KIF16B: variants seen among roughly 807,000 people sequenced by gnomAD.
KIF16B encodes the protein kinesin-like protein KIF16B.
KIF16B carries 98 observed loss-of-function variants against 156.3 expected under a neutral mutation model. The observed-to-expected ratio is 0.63, with a 90% CI of 0.53 to 0.74. KIF16B has a LOEUF of 0.74. KIF16B is among the 30% of genes least tolerant of loss of function. The probability of loss-of-function intolerance (pLI) is 0.00; values close to 1 mark genes in which losing one functional copy is unlikely to be tolerated. For missense variants in KIF16B, 1,421 were observed against 1,606.5 expected (o/e 0.88, Z 1.97); for synonymous variants, 564 against 583.7 (o/e 0.97, Z 0.49).
intron 21 of KIF16B, 76 bp downstream of exon 21, chr20:16,371,589 C>CA (rs111754823): frequency 0.3 from 188,096 of 617,102 alleles, 13,212 homozygotes; most frequent in African/African-American, 0.59. Context: ...GACTCAGTCT[C>CA]AAAAAAAAAA....
At chr20:16,462,966 G>C (rs2067388219) in intron 12 of KIF16B, among the ~76,000 whole-genome samples, 1 of 152,202 alleles carries the variant, frequency 6.6e-6, no homozygotes, top group Non-Finnish European at 1.5e-5. Context: ...CAAAAGATTA[G>C]GCTGGAGTGG....
At chr20:16,537,596 C>T (rs1051725946) in intron 1 of KIF16B, among the ~76,000 whole-genome samples, 12 of 152,028 alleles carry the variant, frequency 7.9e-5, no homozygotes, top group African/African-American at 2.9e-4. Flanking sequence ...CCTCTTCCCA[C>T]GTGGGTCTCC....
chr20:16,279,890 C>A (rs147371159), intron 25 of KIF16B, among the ~76,000 whole-genome samples: 163 of 152,300 alleles, frequency 1.1e-3, no homozygotes, highest in Non-Finnish European at 2.1e-3. Flanking sequence ...AAAATGAACT[C>A]CCTACAGCAA....
intron 25 of KIF16B, among the ~76,000 whole-genome samples, chr20:16,306,909 T>C (rs1346390003): frequency 2.6e-5 from 4 of 152,192 alleles, no homozygotes; most frequent in Admixed American, 1.3e-4. Context: ...ATTATCCTCA[T>C]TGTTCAGAGA....
rs942351544 is a variant in KIF16B at position 16,494,218 on chromosome 20, T to G, written c.1302+73A>C. 1.9e-5 allele frequency: 16 copies of G among 840,572 alleles called. No homozygotes were observed. In the Admixed American group the frequency reaches 2.6e-4, roughly 13 times the overall value. The allele number at this position is 840,572 out of a possible 1,614,324, so 52.1% of individuals were successfully genotyped here. A position where few individuals can be genotyped will look rare whatever the true frequency, so the allele number is the denominator to read the frequency against. On this transcript the variant is annotated intron_variant, in intron 12 of 25. Coordinates refer to ENST00000354981, the MANE Select transcript of KIF16B (RefSeq NM_024704.5). ...AGTATACAACTGCCATGTTTGGAGA[T>G]TAAAAAAAAAAAAAAAAGTTTTACC...
chr20:16,480,655 G>C (rs78652709), intron 12 of KIF16B, among the ~76,000 whole-genome samples: 2,306 of 152,332 alleles, frequency 0.015, 60 homozygotes, highest in African/African-American at 0.053. Context: ...CAACCGCAGA[G>C]AGGAGGAAAG....
At chr20:16,409,298 T>C (rs1401109780) in intron 15 of KIF16B, among the ~76,000 whole-genome samples, 1 of 151,410 alleles carries the variant, frequency 6.6e-6, no homozygotes, top group Non-Finnish European at 1.5e-5. Context: ...CCACCAAGAA[T>C]GAGTGACTGG....
At chr20:16,344,608 CA>C (rs978475413) in intron 23 of KIF16B, among the ~76,000 whole-genome samples, 10 of 152,188 alleles carry the variant, frequency 6.6e-5, no homozygotes, top group Non-Finnish European at 5.9e-5. Flanking sequence ...AACAGTCCCC[CA>C]AACTGAGTGC....
At chr20:16,316,064 C>A (rs1344839605) in intron 24 of KIF16B, among the ~76,000 whole-genome samples, 1 of 152,224 alleles carries the variant, frequency 6.6e-6, no homozygotes, top group East Asian at 1.9e-4. Flanking sequence ...TTTAGAGAAT[C>A]CTAACAGTGC....
chr20:16,487,081 A>G (rs1157338742), intron 12 of KIF16B, among the ~76,000 whole-genome samples: 1 of 151,952 alleles, frequency 6.6e-6, no homozygotes, highest in Non-Finnish European at 1.5e-5. Flanking sequence ...GTGAAACCCC[A>G]TCTCTACTAA....
At chr20:16,512,174 T>C (rs1394320789) in intron 5 of KIF16B, among the ~76,000 whole-genome samples, 1 of 151,158 alleles carries the variant, frequency 6.6e-6, no homozygotes, top group Admixed American at 6.6e-5. Flanking sequence ...GTACATTAAG[T>C]GAGGACTTCC....
chr20:16,367,727 C>G, intron 22 of KIF16B: 1 of 1,612,352 alleles, frequency 6.2e-7, no homozygotes, highest in Non-Finnish European at 8.5e-7. Context: ...GTTTTCCAAT[C>G]AAGAGAAAGC....
At chr20:16,380,358 A>G (rs1479973937) in intron 18 of KIF16B, among the ~76,000 whole-genome samples, 195 bp from the exon 19 acceptor site, 3 of 152,202 alleles carry the variant, frequency 2.0e-5, no homozygotes, top group African/African-American at 7.2e-5. Context: ...ACTGTCCAAC[A>G]TATCACCTGC....
chr20:16,459,272 G>C (rs1387309068), intron 12 of KIF16B, among the ~76,000 whole-genome samples: 1 of 152,170 alleles, frequency 6.6e-6, no homozygotes, highest in Non-Finnish European at 1.5e-5. Context: ...CAATTATAGG[G>C]AGATAATACT....
chr20:16,498,494 C>T lies in KIF16B; in HGVS notation c.1177-816G>A, dbSNP rs550569350. 1.6e-4 allele frequency among the ~76,000 whole-genome samples: 24 copies of T among 152,208 alleles called. No individual in the cohort carries two copies. In the South Asian group the frequency reaches 4.4e-3, roughly 28 times the overall value. On this transcript the variant is annotated intron_variant, in intron 10 of 25. Transcript: ENST00000354981. Reference sequence around the variant, plus strand: ...GGTCATATGCAAGCGTGTTTTTTGTCGTGTTTTTAAATATAAGTGGCATAA... The same window carrying T: ...GGTCATATGCAAGCGTGTTTTTTGTTGTGTTTTTAAATATAAGTGGCATAA...
At chr20:16,405,029 T>A (rs1026870746) in intron 16 of KIF16B, 128 bp from the exon 17 acceptor site, 4 of 664,248 alleles carry the variant, frequency 6.0e-6, no homozygotes, top group African/African-American at 1.8e-5. Flanking sequence ...GCACCACAAT[T>A]AACTGGTCTA....
chr20:16,301,678 C>A (rs1435562703), intron 25 of KIF16B, among the ~76,000 whole-genome samples: 3 of 151,858 alleles, frequency 2.0e-5, no homozygotes, highest in African/African-American at 7.3e-5. Flanking sequence ...TTTTTTGAGA[C>A]AGAGTCTCAC....
At chr20:16,362,792 T>C (rs547776168) in intron 22 of KIF16B, among the ~76,000 whole-genome samples, 23 of 152,152 alleles carry the variant, frequency 1.5e-4, no homozygotes, top group Non-Finnish European at 3.1e-4. Flanking sequence ...GAACAAAATA[T>C]GAGCAAGAAG....
chr20:16,444,151 TA>T (rs1175838418), intron 12 of KIF16B, among the ~76,000 whole-genome samples: 1 of 152,230 alleles, frequency 6.6e-6, no homozygotes, highest in Non-Finnish European at 1.5e-5. Flanking sequence ...TTTCATTAGT[TA>T]AAAAACTATT....
Sources: gnomAD v4.1 joint callset for allele counts (sites outside exome capture counted in the v4.1 genomes callset) on GRCh38, gnomAD v4.1.1 for gene constraint, MANE v1.5 for transcripts, NCBI Gene and HGNC (gene_info 2026-07-23, HGNC 2026-07-21) for gene names.